CIMAP1D: variants seen among roughly 807,000 people sequenced by gnomAD.
CIMAP1D encodes CIMAP1 family member D.
At chr19:485,755 C>T in the CIMAP1D span, among the ~76,000 whole-genome samples, 1 of 152,230 alleles carries the variant, frequency 6.6e-6, no homozygotes, top group African/African-American at 2.4e-5. Context: ...AGGCCGGGTT[C>T]CTCCGATGAC....
the CIMAP1D span, chr19:474,492 C>G: frequency 1.0e-6 from 1 of 990,188 alleles, no homozygotes; most frequent in African/African-American, 1.7e-5. Flanking sequence ...AAACTGAGGT[C>G]TGGGGAAGGG....
chr19:484,163 CAG>C, the CIMAP1D span, among the ~76,000 whole-genome samples: 102 of 118,814 alleles, frequency 8.6e-4, no homozygotes, highest in African/African-American at 3.1e-3. Flanking sequence ...TTTTTTGAGA[CAG>C]AGTTTCACTC....
the CIMAP1D span, chr19:474,698 A>G: frequency 1.9e-6 from 3 of 1,568,700 alleles, no homozygotes; most frequent in East Asian, 2.4e-5. Context: ...TCGCCGGCCA[A>G]GGGGGGCTGT....
At chr19:488,110 G>A in the CIMAP1D span, among the ~76,000 whole-genome samples, 8 of 152,168 alleles carry the variant, frequency 5.3e-5, no homozygotes, top group African/African-American at 1.2e-4. Flanking sequence ...CGGGGAGCTC[G>A]GCTCTTGGGA....
the CIMAP1D span, among the ~76,000 whole-genome samples, chr19:468,191 T>C: frequency 3.3e-5 from 5 of 151,902 alleles, no homozygotes; most frequent in African/African-American, 4.8e-5. Flanking sequence ...CACAGCAAGA[T>C]CCCGTCTCTA....
chr19:476,418 G>T, the CIMAP1D span, among the ~76,000 whole-genome samples: 26 of 151,888 alleles, frequency 1.7e-4, no homozygotes, highest in Admixed American at 3.9e-4. Context: ...TCAAACTCCT[G>T]ACCTCAGGTG....
chr19:467,251 G>A, the CIMAP1D span, among the ~76,000 whole-genome samples: 1 of 151,964 alleles, frequency 6.6e-6, no homozygotes, highest in African/African-American at 2.4e-5. Context: ...GGTGGAGGGT[G>A]GATGGATAGA....
chr19:472,583 C>T, the CIMAP1D span: 1 of 966,916 alleles, frequency 1.0e-6, no homozygotes, highest in Non-Finnish European at 1.5e-6. Context: ...TGAGCCTTAG[C>T]CTGGGTTCCC....
At chr19:477,220 A>T in the CIMAP1D span, among the ~76,000 whole-genome samples, 1 of 152,166 alleles carries the variant, frequency 6.6e-6, no homozygotes, top group African/African-American at 2.4e-5. Flanking sequence ...GGAAAACAAG[A>T]GTAAGTATAA....
At chr19:486,615 C>G in the CIMAP1D span, among the ~76,000 whole-genome samples, 4 of 151,536 alleles carry the variant, frequency 2.6e-5, no homozygotes, top group Non-Finnish European at 4.4e-5. Context: ...TAATTTTTGT[C>G]TTTTTTAATA....
the CIMAP1D span, among the ~76,000 whole-genome samples, chr19:486,681 G>A: frequency 4.6e-5 from 7 of 151,984 alleles, no homozygotes; most frequent in South Asian, 2.1e-4. Context: ...TTGGGAGGCT[G>A]AGGCGAGCAG....
At chr19:467,676 A>G in the CIMAP1D span, 1 of 1,611,380 alleles carries the variant, frequency 6.2e-7, no homozygotes, top group South Asian at 1.1e-5. Context: ...CCCTGCATGG[A>G]GTAGGCAGGG....
chr19:489,248 CG>C, the CIMAP1D span: 6 of 152,072 alleles, frequency 3.9e-5, no homozygotes, highest in African/African-American at 1.4e-4. Flanking sequence ...GCAGGGATGG[CG>C]GCGCTTTGAG....
the CIMAP1D span, among the ~76,000 whole-genome samples, chr19:485,745 A>G: frequency 1.3e-5 from 2 of 152,308 alleles, no homozygotes; most frequent in South Asian, 2.1e-4. Flanking sequence ...AGCTCCCAGG[A>G]GGCCGGGTTC....
At chr19:488,471 G>A in the CIMAP1D span, among the ~76,000 whole-genome samples, 6 of 152,342 alleles carry the variant, frequency 3.9e-5, no homozygotes, top group African/African-American at 9.6e-5. Flanking sequence ...GCGGTGAGCC[G>A]AGATGGCGCC....
At chr19:468,164 G>C in the CIMAP1D span, among the ~76,000 whole-genome samples, 1 of 152,196 alleles carries the variant, frequency 6.6e-6, no homozygotes, top group East Asian at 1.9e-4. Flanking sequence ...TCAGGACTTT[G>C]AGACCAGCAT....
the CIMAP1D span, chr19:463,533 C>G: frequency 2.2e-6 from 1 of 448,520 alleles, no homozygotes; most frequent in Non-Finnish European, 3.9e-6. Flanking sequence ...ACACAGGAAG[C>G]TCCATCTCCA....
At chr19:479,409 TTTG>T in the CIMAP1D span, among the ~76,000 whole-genome samples, 158 of 51,048 alleles carry the variant, frequency 3.1e-3, 1 homozygote, top group African/African-American at 8.1e-3. Context: ...TTTTTTTTTT[TTTG>T]GGGGGGGGGG....
the CIMAP1D span, among the ~76,000 whole-genome samples, chr19:486,324 C>T: frequency 1.3e-5 from 2 of 152,214 alleles, no homozygotes; most frequent in Non-Finnish European, 2.9e-5. Flanking sequence ...CCTCTGCACT[C>T]ACCGTACATT....
Sources: allele counts gnomAD v4.1 joint callset (sites outside exome capture counted in the v4.1 genomes callset), GRCh38; gene constraint gnomAD v4.1.1; transcripts MANE v1.5; gene names NCBI Gene and HGNC (gene_info 2026-07-23, HGNC 2026-07-21).